The following GPC6 variants were observed in gnomAD, a reference collection of about 807,000 sequenced individuals.
GPC6 encodes glypican 6.
A neutral mutation model predicts 55.2 loss-of-function variants in GPC6; 14 were observed. The observed-to-expected ratio is 0.25, with a 90% CI of 0.17 to 0.40. The LOEUF is 0.40. Ranked by LOEUF, GPC6 falls within the 10% of genes least tolerant of loss-of-function variation. The pLI is 1.00. For missense variants in GPC6, 641 were observed against 708.5 expected, an observed-to-expected ratio of 0.90 and a Z score of 1.08; for synonymous variants, 278 against 259.6, an observed-to-expected ratio of 1.07 and a Z score of -0.68.
intron 4 of GPC6, among the ~76,000 whole-genome samples, chr13:94,152,334 C>A (rs772959203): frequency 2.0e-5 from 3 of 152,156 alleles, no homozygotes; most frequent in Non-Finnish European, 4.4e-5. Context: ...TGAGTTTGAA[C>A]CCAATCCAGT....
intron 5 of GPC6, 145 bp downstream of exon 5, chr13:94,286,624 T>C: frequency 1.4e-6 from 1 of 727,672 alleles, no homozygotes; most frequent in Non-Finnish European, 2.2e-6. Flanking sequence ...ACAAATTTGC[T>C]ACTTCATTAA....
chr13:93,726,120 A>ACACACACACACACG (rs1883629289), intron 2 of GPC6, among the ~76,000 whole-genome samples: 1 of 144,678 alleles, frequency 6.9e-6, no homozygotes, highest in Non-Finnish European at 1.5e-5. Context: ...ACACACACAC[A>ACACACACACACACG]CACACACACA....
chr13:94,259,221 A>G (rs978215633), intron 4 of GPC6, among the ~76,000 whole-genome samples: 8 of 152,220 alleles, frequency 5.3e-5, no homozygotes, highest in African/African-American at 1.9e-4. Flanking sequence ...ACATTACTTT[A>G]TGTGTCATTG....
At chr13:94,137,588 T>C (rs1380179620) in intron 4 of GPC6, among the ~76,000 whole-genome samples, 1 of 152,184 alleles carries the variant, frequency 6.6e-6, no homozygotes, top group Non-Finnish European at 1.5e-5. Context: ...TGTTAACAAT[T>C]ATAAACATTT....
At chr13:94,014,492 T>C (rs1882379062) in intron 3 of GPC6, among the ~76,000 whole-genome samples, 2 of 152,188 alleles carry the variant, frequency 1.3e-5, no homozygotes, top group Admixed American at 1.3e-4. Flanking sequence ...GGAACTGTTC[T>C]TTCTCTTTTT....
intron 4 of GPC6, among the ~76,000 whole-genome samples, chr13:94,097,450 T>A (rs1278539858): frequency 2.9e-5 from 4 of 135,606 alleles, no homozygotes; most frequent in African/African-American, 1.1e-4. Context: ...GAGCTTGCAG[T>A]GAGCGGAGAT....
intron 3 of GPC6, among the ~76,000 whole-genome samples, chr13:93,959,195 C>T (rs1420130263): frequency 6.7e-6 from 1 of 150,288 alleles, no homozygotes; most frequent in East Asian, 1.9e-4. Flanking sequence ...CTGAGACTCA[C>T]TCTGTCTCTC....
rs946451239 is a variant in GPC6 at position 93,359,401 on chromosome 13, T to A, written c.160+131785T>A. Among the ~76,000 whole-genome samples the A allele has an allele frequency of 1.5e-4, 23 of 152,210 alleles. 1 individual carries two copies. The highest frequency in any genetic ancestry group is 2.9e-5 in the Non-Finnish European group (2 of 68,050). On this transcript the variant is annotated intron_variant, in intron 1 of 8. Transcript: ENST00000377047. The stretch of plus-strand genomic sequence containing the variant: ...AATCTTCTGTTACTCAACTTCCTCA[T>A]CTGTAAAATGGGATAATCGTACATT...
At chr13:93,846,256 A>ATTAC (rs978666560) in intron 3 of GPC6, among the ~76,000 whole-genome samples, 3 of 152,164 alleles carry the variant, frequency 2.0e-5, no homozygotes, top group Non-Finnish European at 4.4e-5. Context: ...CTAACAAATG[A>ATTAC]TTACTTGCCA....
chr13:93,709,825 G>T (rs1198906578), intron 2 of GPC6, among the ~76,000 whole-genome samples: 1 of 151,770 alleles, frequency 6.6e-6, no homozygotes, highest in African/African-American at 2.4e-5. Flanking sequence ...ACAGAGAAAA[G>T]ATTTGAGTAG....
intron 3 of GPC6, among the ~76,000 whole-genome samples, chr13:93,901,982 A>T (rs1307649904): frequency 6.6e-6 from 1 of 151,906 alleles, no homozygotes; most frequent in South Asian, 2.1e-4. Context: ...GTGTGTTTTG[A>T]TACATTTATA....
At chr13:94,067,604 T>C (rs1246147522) in intron 4 of GPC6, among the ~76,000 whole-genome samples, 1 of 151,302 alleles carries the variant, frequency 6.6e-6, no homozygotes, top group Non-Finnish European at 1.5e-5. Context: ...GATAGATAGA[T>C]AGATAGATAG....
intron 1 of GPC6, among the ~76,000 whole-genome samples, chr13:93,281,995 A>G (rs1434744072): frequency 6.6e-6 from 1 of 152,214 alleles, no homozygotes; most frequent in African/African-American, 2.4e-5. Context: ...CGAAGGACCA[A>G]TTTAGCCTCT....
chr13:93,523,578 A>G (rs1020748046), intron 1 of GPC6, among the ~76,000 whole-genome samples: 3 of 151,796 alleles, frequency 2.0e-5, no homozygotes, highest in Non-Finnish European at 4.4e-5. Flanking sequence ...ATTTGCTGCA[A>G]TATGTCATCT....
At chr13:93,440,936 C>A (rs957123154) in intron 1 of GPC6, among the ~76,000 whole-genome samples, 2 of 148,182 alleles carry the variant, frequency 1.3e-5, no homozygotes, top group African/African-American at 5.0e-5. Context: ...TGAGTGAGAA[C>A]ATGCGGTATT....
At chr13:93,774,164 G>C (rs1053095045) in intron 2 of GPC6, among the ~76,000 whole-genome samples, 1 of 152,168 alleles carries the variant, frequency 6.6e-6, no homozygotes, top group African/African-American at 2.4e-5. Context: ...AGACCAATTT[G>C]CCAGCCAGGT....
intron 2 of GPC6, among the ~76,000 whole-genome samples, chr13:93,812,146 G>GA (rs1261025057): frequency 1.1e-4 from 15 of 141,884 alleles, no homozygotes; most frequent in African/African-American, 3.8e-4. Context: ...AGGCGGTGGG[G>GA]GGGGGGGCGG....
chr13:93,953,590 A>G (rs1879363051), intron 3 of GPC6, among the ~76,000 whole-genome samples: 2 of 152,204 alleles, frequency 1.3e-5, no homozygotes, highest in African/African-American at 4.8e-5. Flanking sequence ...GAAATCAAAC[A>G]TCAATTTATT....
intron 3 of GPC6, among the ~76,000 whole-genome samples, chr13:93,847,403 C>CA (rs1378369828): frequency 2.0e-5 from 3 of 152,094 alleles, no homozygotes; most frequent in African/African-American, 7.2e-5. Flanking sequence ...GCTGGCCCGT[C>CA]ACTGGGTTAA....
Sources: allele counts gnomAD v4.1 joint callset (sites outside exome capture counted in the v4.1 genomes callset), GRCh38; gene constraint gnomAD v4.1.1; transcripts MANE v1.5; gene names NCBI Gene and HGNC (gene_info 2026-07-23, HGNC 2026-07-21).